RDX: variants seen among roughly 807,000 people sequenced by gnomAD.
The protein encoded by RDX is deafness, autosomal recessive 24.
RDX carries 32 observed loss-of-function variants against 83.7 expected under a neutral mutation model. That is an observed-to-expected ratio of 0.38 (90% CI 0.29 to 0.51). The LOEUF is 0.51. Ranked by LOEUF, RDX falls within the 20% of genes least tolerant of loss-of-function variation. The pLI, the probability that RDX is intolerant of heterozygous loss-of-function variation, is 0.87. For missense variants in RDX, 600 were observed against 689.9 expected (o/e 0.87, Z 1.46); for synonymous variants, 229 against 222.7 (o/e 1.03, Z -0.25).
At position 110,257,327 on chromosome 11, in the gene RDX, T is replaced by C. The variant is rs74891167; in HGVS notation, c.698+440A>G. On this transcript the variant is annotated intron_variant, in intron 7 of 13. Coordinates refer to ENST00000645495, the MANE Select transcript of RDX (RefSeq NM_002906.4). ...ATTTAAAACAATTCCTATATATAAA[T>C]GTTCAAAAAAATCCTCTAAGATGTG... Among the ~76,000 whole-genome samples the C allele has an allele frequency of 1.2e-4, 19 of 152,176 alleles. No individual in the cohort carries two copies. The East Asian group carries it at 3.5e-3, about 28-fold the overall frequency.
At chr11:110,189,386 T>G (rs1159810299) in intron 15 of RDX, among the ~76,000 whole-genome samples, 1 of 151,914 alleles carries the variant, frequency 6.6e-6, no homozygotes, top group African/African-American at 2.4e-5. Context: ...ACTTCTGGAC[T>G]ATGAAAATAC....
downstream of RDX, among the ~76,000 whole-genome samples, chr11:110,225,934 T>C (rs973572841): frequency 6.6e-6 from 1 of 151,650 alleles, no homozygotes; most frequent in Non-Finnish European, 1.5e-5. Flanking sequence ...GGCATGGTGA[T>C]GCATGCCTGT....
At chr11:110,227,764 A>G (rs1418382256), downstream of RDX, among the ~76,000 whole-genome samples, 3 of 152,158 alleles carry the variant, frequency 2.0e-5, no homozygotes, top group African/African-American at 7.2e-5. Flanking sequence ...CGACCATTAA[A>G]TAAGAACCCG....
chr11:110,210,909 G>C (rs1466259796), intron 14 of RDX, among the ~76,000 whole-genome samples: 4 of 151,882 alleles, frequency 2.6e-5, no homozygotes, highest in African/African-American at 9.7e-5. Flanking sequence ...AGACCATCGA[G>C]ACACTAGGAA....
At chr11:110,259,391 T>C (rs1859706295) in intron 5 of RDX, among the ~76,000 whole-genome samples, 1 of 152,242 alleles carries the variant, frequency 6.6e-6, no homozygotes, top group Admixed American at 6.5e-5. Flanking sequence ...CAGATCCTAC[T>C]TTACTGACAG....
chr11:110,241,809 T>C (rs1565310465), intron 10 of RDX, among the ~76,000 whole-genome samples: 1 of 152,142 alleles, frequency 6.6e-6, no homozygotes, highest in Non-Finnish European at 1.5e-5. Context: ...CATCAACAGA[T>C]AAGCAAAATG....
chr11:110,207,673 GAAAT>G (rs1471184728), intron 14 of RDX, among the ~76,000 whole-genome samples: 2 of 151,856 alleles, frequency 1.3e-5, no homozygotes, highest in South Asian at 2.1e-4. Flanking sequence ...TGAATTGTAT[GAAAT>G]TCAGAGTTAA....
At chr11:110,209,555 A>T (rs1443006600) in intron 14 of RDX, among the ~76,000 whole-genome samples, 1 of 152,132 alleles carries the variant, frequency 6.6e-6, no homozygotes, top group Non-Finnish European at 1.5e-5. Flanking sequence ...AAACAAAAAG[A>T]CAGCAGTAAC....
intron 14 of RDX, among the ~76,000 whole-genome samples, chr11:110,202,972 T>C (rs779605571): frequency 2.0e-5 from 3 of 152,104 alleles, no homozygotes; most frequent in Non-Finnish European, 2.9e-5. Flanking sequence ...GAGAACAGTA[T>C]GGAGCTACCA....
chr11:110,175,611 C>T (rs1175441150), intron 15 of RDX, among the ~76,000 whole-genome samples: 1 of 152,182 alleles, frequency 6.6e-6, no homozygotes, highest in Non-Finnish European at 1.5e-5. Flanking sequence ...CCCTTCAGCC[C>T]CTGGGGTGGG....
intron 6 of RDX, 72 bp downstream of exon 6, chr11:110,258,034 T>C: frequency 6.8e-7 from 1 of 1,471,432 alleles, no homozygotes; most frequent in Non-Finnish European, 9.5e-7. Context: ...GGAAATAATG[T>C]AATAATAAAT....
chr11:110,289,293 C>T (rs753370576), intron 1 of RDX, among the ~76,000 whole-genome samples: 73 of 151,062 alleles, frequency 4.8e-4, no homozygotes, highest in Non-Finnish European at 9.3e-4. Context: ...AAATTCAAGC[C>T]TTAACCATCT....
intron 15 of RDX, among the ~76,000 whole-genome samples, chr11:110,179,720 C>T (rs1035028954): frequency 1.3e-4 from 19 of 151,094 alleles, no homozygotes; most frequent in Admixed American, 1.2e-3. Flanking sequence ...TGCAGTGAGC[C>T]AAGATCATAC....
downstream of RDX, among the ~76,000 whole-genome samples, chr11:110,226,844 GA>G (rs1864451172): frequency 1.3e-5 from 2 of 152,046 alleles, no homozygotes; most frequent in Admixed American, 6.5e-5. Context: ...CCTATGAAAT[GA>G]AAATTAAGTA....
chr11:110,271,542 A>G (rs551577043), intron 3 of RDX, among the ~76,000 whole-genome samples: 9 of 152,306 alleles, frequency 5.9e-5, no homozygotes, highest in African/African-American at 1.9e-4. Context: ...ACTTGCTTAC[A>G]TTGCAATACA....
intron 13 of RDX, among the ~76,000 whole-genome samples, chr11:110,232,555 ATAAT>A (rs140375479): frequency 0.39 from 58,533 of 151,812 alleles, 11,507 homozygotes; most frequent in East Asian, 0.61. Context: ...ATCTCAACAA[ATAAT>A]TAAGATTATG....
At chr11:110,260,128 A>G (rs904377232) in intron 5 of RDX, among the ~76,000 whole-genome samples, 3 of 151,890 alleles carry the variant, frequency 2.0e-5, no homozygotes, top group African/African-American at 7.3e-5. Flanking sequence ...CTAGGATTAC[A>G]GGCATGCACC....
chr11:110,275,073 T>G (rs972280413), intron 2 of RDX, among the ~76,000 whole-genome samples: 3 of 152,234 alleles, frequency 2.0e-5, no homozygotes, highest in Non-Finnish European at 2.9e-5. Context: ...GTGGGCATTA[T>G]CAGATTTATT....
At chr11:110,211,632 ATCTC>A (rs1187037883) in intron 14 of RDX, among the ~76,000 whole-genome samples, 1 of 147,662 alleles carries the variant, frequency 6.8e-6, no homozygotes, top group Admixed American at 6.8e-5. Flanking sequence ...ATAACAAACT[ATCTC>A]TCAGACCACA....
Sources: allele counts gnomAD v4.1 joint callset (sites outside exome capture counted in the v4.1 genomes callset), GRCh38; gene constraint gnomAD v4.1.1; transcripts MANE v1.5; gene names NCBI Gene and HGNC (gene_info 2026-07-23, HGNC 2026-07-21).